PAM: variants seen among roughly 807,000 people sequenced by gnomAD.
PAM encodes peptidyl-glycine alpha-amidating monooxygenase.
PAM carries 72 observed loss-of-function variants against 122.1 expected under a neutral mutation model. The observed-to-expected ratio is 0.59, with a 90% CI of 0.49 to 0.72. The LOEUF is 0.72. Ranked by LOEUF, PAM falls within the 30% of genes least tolerant of loss-of-function variation. PAM has a pLI of 0.00. For synonymous variants in PAM, 389 were observed against 404.4 expected (o/e 0.96, Z 0.46); for missense variants, 1,106 against 1,183.7 (o/e 0.93, Z 0.96).
intron 16 of PAM, among the ~76,000 whole-genome samples, chr5:102,994,033 T>G (rs1774946382): frequency 6.6e-6 from 1 of 152,062 alleles, no homozygotes; most frequent in Admixed American, 6.6e-5. Flanking sequence ...GCTCAAAATG[T>G]TGGGTCAACT....
At chr5:102,966,791 C>G (rs1764210907) in intron 14 of PAM, among the ~76,000 whole-genome samples, 1 of 152,054 alleles carries the variant, frequency 6.6e-6, no homozygotes, top group Non-Finnish European at 1.5e-5. Context: ...TGCTGAACAT[C>G]CTATTTACTC....
chr5:102,841,643 A>T (rs1447465292), intron 1 of PAM, among the ~76,000 whole-genome samples: 1 of 152,240 alleles, frequency 6.6e-6, no homozygotes, highest in Non-Finnish European at 1.5e-5. Context: ...ATGAACATAA[A>T]TGAAGAGTTG....
intron 1 of PAM, among the ~76,000 whole-genome samples, chr5:102,784,082 A>G (rs1050759010): frequency 7.2e-5 from 11 of 151,974 alleles, no homozygotes; most frequent in African/African-American, 2.7e-4. Context: ...TTTAGTAGAG[A>G]TGGGGTTTCA....
At chr5:102,899,691 A>G (rs535369837) in intron 3 of PAM, among the ~76,000 whole-genome samples, 1 of 151,844 alleles carries the variant, frequency 6.6e-6, no homozygotes, top group African/African-American at 2.4e-5. Flanking sequence ...GTCCAAGATA[A>G]ATAAGCCAAC....
chr5:102,883,494 CTTGAT>C (rs1366464322), intron 3 of PAM, among the ~76,000 whole-genome samples: 1 of 151,780 alleles, frequency 6.6e-6, no homozygotes, highest in Non-Finnish European at 1.5e-5. Context: ...GGGTTGAGTC[CTTGAT>C]TTGATTCTCA....
intron 1 of PAM, among the ~76,000 whole-genome samples, chr5:102,847,741 T>C (rs1780298742): frequency 6.6e-6 from 1 of 152,048 alleles, no homozygotes; most frequent in African/African-American, 2.4e-5. Flanking sequence ...AGGGGCAAAA[T>C]TTCCTAGGAA....
chr5:102,817,858 T>C (rs1278586011), intron 1 of PAM, among the ~76,000 whole-genome samples: 1 of 151,948 alleles, frequency 6.6e-6, no homozygotes, highest in African/African-American at 2.4e-5. Flanking sequence ...ACTTTATTTC[T>C]CCCTATCACA....
chr5:102,945,096 A>T lies in PAM; in HGVS notation c.527-1741A>T, dbSNP rs556722405. On this transcript the variant is annotated intron_variant, in intron 7 of 25. Coordinates refer to ENST00000438793, the MANE Select transcript of PAM (RefSeq NM_001177306.2). Reference sequence around the variant, plus strand: ...AATAATAATAACTAAGCATTTAGTGATTTTTTCCTATGCTCTAAATAGAGT... The same window carrying T: ...AATAATAATAACTAAGCATTTAGTGTTTTTTTCCTATGCTCTAAATAGAGT... Among the ~76,000 whole-genome samples, 102 of 152,168 alleles carry T rather than the reference A, an allele frequency of 6.7e-4. 1 individual carries two copies. The highest frequency in any genetic ancestry group is 1.0e-3 in the Non-Finnish European group (68 of 67,994).
intron 16 of PAM, among the ~76,000 whole-genome samples, chr5:102,992,737 G>A (rs1325667758): frequency 2.0e-5 from 3 of 152,078 alleles, no homozygotes. Context: ...CATTCTTCTT[G>A]TTACTACTGT....
chr5:102,920,374 T>A (rs1003476250), intron 5 of PAM, among the ~76,000 whole-genome samples: 5 of 152,096 alleles, frequency 3.3e-5, no homozygotes, highest in African/African-American at 1.2e-4. Flanking sequence ...AGACACACAC[T>A]CTGCTTTTAT....
intron 13 of PAM, among the ~76,000 whole-genome samples, chr5:102,960,639 G>A (rs1204520223): frequency 6.6e-6 from 1 of 151,834 alleles, no homozygotes; most frequent in Non-Finnish European, 1.5e-5. Context: ...AAATTGCAAA[G>A]TCTACTCCTT....
chr5:102,813,371 T>G (rs1434901332), intron 1 of PAM, among the ~76,000 whole-genome samples: 1 of 152,222 alleles, frequency 6.6e-6, no homozygotes, highest in Non-Finnish European at 1.5e-5. Flanking sequence ...GTACAGAGTT[T>G]TATTTCCAGG....
Position 102,896,888 on chromosome 5 carries a change from T to C in PAM, c.211-4468T>C, listed in dbSNP as rs113887283. On this transcript the variant is annotated intron_variant, in intron 3 of 25. Coordinates refer to ENST00000438793, the MANE Select transcript of PAM (RefSeq NM_001177306.2). ...CTTCAGAAAATCTTTTATGCTTTGG[T>C]ATAATTTTCTTTTGCTCTAGCTTCC... Among the ~76,000 whole-genome samples, 383 of 151,788 alleles carry C rather than the reference T, an allele frequency of 2.5e-3. 3 individuals carry two copies. The highest frequency in any genetic ancestry group is 8.6e-3 in the African/African-American group (356 of 41,478).
chr5:102,800,399 C>T (rs769688437), intron 1 of PAM, among the ~76,000 whole-genome samples: 9 of 152,116 alleles, frequency 5.9e-5, no homozygotes. Flanking sequence ...TTTAATTTTT[C>T]CTTGTTTTAC....
chr5:102,980,314 T>C (rs572416155), intron 15 of PAM, among the ~76,000 whole-genome samples: 1 of 152,314 alleles, frequency 6.6e-6, no homozygotes, highest in South Asian at 2.1e-4. Flanking sequence ...AAGAGAAATC[T>C]GAACTAGAAT....
chr5:102,926,120 C>T (rs1382320709), intron 6 of PAM, among the ~76,000 whole-genome samples: 1 of 151,760 alleles, frequency 6.6e-6, no homozygotes. Context: ...CGGAGTCTCG[C>T]TCTGTCGCCC....
intron 7 of PAM, among the ~76,000 whole-genome samples, chr5:102,943,029 CCTTCAT>C (rs1236306511): frequency 6.6e-6 from 1 of 152,180 alleles, no homozygotes; most frequent in African/African-American, 2.4e-5. Context: ...TTTACCTTCA[CCTTCAT>C]AGAAGAGTGT....
intron 3 of PAM, among the ~76,000 whole-genome samples, chr5:102,885,316 T>C (rs773555126): frequency 1.3e-5 from 2 of 151,976 alleles, no homozygotes; most frequent in African/African-American, 2.4e-5. Flanking sequence ...AAAATGAAAA[T>C]TCTGTTTATC....
intron 1 of PAM, among the ~76,000 whole-genome samples, chr5:102,821,953 G>A (rs1411846347): frequency 6.6e-6 from 1 of 152,112 alleles, no homozygotes; most frequent in African/African-American, 2.4e-5. Flanking sequence ...ATTAAACATT[G>A]AAATAAGTGT....
Sources: allele counts gnomAD v4.1 joint callset (sites outside exome capture counted in the v4.1 genomes callset), GRCh38; gene constraint gnomAD v4.1.1; transcripts MANE v1.5; gene names NCBI Gene and HGNC (gene_info 2026-07-23, HGNC 2026-07-21).